Variants in PCDH15 observed in about 807,000 individuals in gnomAD.
PCDH15 encodes the protein protocadherin-15.
A neutral mutation model predicts 178.5 loss-of-function variants in PCDH15; 129 were observed. The observed-to-expected ratio is 0.72, with a 90% CI of 0.63 to 0.84. PCDH15 has a LOEUF of 0.84. PCDH15 is among the 40% of genes least tolerant of loss of function. The pLI, the probability that PCDH15 is intolerant of heterozygous loss-of-function variation, is 0.00. For synonymous variants in PCDH15, 800 were observed against 732.0 expected (o/e 1.09, Z -1.50); for missense variants, 2,230 against 2,099.9 (o/e 1.06, Z -1.21).
intron 5 of PCDH15, among the ~76,000 whole-genome samples, chr10:54,356,914 T>C (rs35461518): frequency 0.054 from 8,198 of 152,172 alleles, 256 homozygotes; most frequent in Admixed American, 0.099. Flanking sequence ...AAACACCACA[T>C]GATTATCTCA....
At chr10:55,586,104 A>C (rs940881957) in intron 2 of PCDH15, among the ~76,000 whole-genome samples, 1 of 152,014 alleles carries the variant, frequency 6.6e-6, no homozygotes, top group Admixed American at 6.6e-5. Flanking sequence ...AGTCTTGGGC[A>C]AAAAGGGTCA....
chr10:55,456,489 C>A (rs1240202023), intron 2 of PCDH15, among the ~76,000 whole-genome samples: 3 of 152,010 alleles, frequency 2.0e-5, no homozygotes, highest in Admixed American at 2.0e-4. Context: ...AATTCACCAA[C>A]TCTTGTTTAT....
intron 25 of PCDH15, among the ~76,000 whole-genome samples, chr10:53,929,826 T>C (rs2084889169): frequency 1.3e-5 from 2 of 152,376 alleles, no homozygotes; most frequent in Middle Eastern, 3.4e-3. Context: ...GACATATTTA[T>C]AGAAAGCTAT....
chr10:55,428,815 AT>A (rs1175091072), intron 2 of PCDH15, among the ~76,000 whole-genome samples: 6 of 151,630 alleles, frequency 4.0e-5, no homozygotes, highest in African/African-American at 1.5e-4. Context: ...CATGAATTAC[AT>A]TTTTTGTATT....
intron 3 of PCDH15, among the ~76,000 whole-genome samples, chr10:54,425,867 A>G (rs1289224662): frequency 2.6e-5 from 4 of 152,168 alleles, no homozygotes; most frequent in African/African-American, 4.8e-5. Flanking sequence ...GAAGTATTCT[A>G]GTATGTTAAT....
chr10:54,996,651 T>A (rs968401365), intron 2 of PCDH15, among the ~76,000 whole-genome samples: 1 of 152,096 alleles, frequency 6.6e-6, no homozygotes, highest in African/African-American at 2.4e-5. Context: ...TGTCTTACAA[T>A]TGGATTCATT....
Position 55,160,586 on chromosome 10 carries a change from A to C in PCDH15, c.-80+5990T>G, listed in dbSNP as rs1482438958. Among the ~76,000 whole-genome samples the C allele has an allele frequency of 2.6e-5, 4 of 151,996 alleles. No individual in the cohort carries two copies. The East Asian group carries it at 7.8e-4, about 29-fold the overall frequency. On this transcript the variant is annotated intron_variant, in intron 2 of 5. Coordinates refer to the PCDH15 transcript ENST00000458638. ...AGGGCAAATGGGCCCCTCTCAATCA[A>C]AGAATGAAAGGAGTCCCTATCATGC...
At chr10:55,130,655 C>T (rs1049261771) in intron 2 of PCDH15, among the ~76,000 whole-genome samples, 1 of 149,504 alleles carries the variant, frequency 6.7e-6, no homozygotes, top group African/African-American at 2.5e-5. Context: ...AAACCTATGG[C>T]TTAACATGTA....
At chr10:54,023,306 T>C in intron 18 of PCDH15, 109 bp from the exon 19 acceptor site, 1 of 1,047,180 alleles carries the variant, frequency 9.5e-7, no homozygotes, top group South Asian at 1.4e-5. Context: ...AAAAATTATT[T>C]GGCCCTCTAA....
intron 2 of PCDH15, among the ~76,000 whole-genome samples, chr10:54,588,811 C>T (rs912575280): frequency 2.0e-5 from 3 of 152,074 alleles, no homozygotes; most frequent in Non-Finnish European, 4.4e-5. Context: ...TGGGCTCAAG[C>T]GATTCTCCCA....
intron 21 of PCDH15, among the ~76,000 whole-genome samples, chr10:53,990,301 C>G (rs570821923): frequency 1.3e-5 from 2 of 152,006 alleles, no homozygotes; most frequent in South Asian, 4.2e-4. Flanking sequence ...AAATAAAATA[C>G]TTCACAGTTG....
intron 2 of PCDH15, among the ~76,000 whole-genome samples, chr10:55,099,195 T>C (rs1398446183): frequency 6.6e-6 from 1 of 152,122 alleles, no homozygotes; most frequent in Non-Finnish European, 1.5e-5. Context: ...TTTCCCTATG[T>C]AGAAAATGTG....
intron 3 of PCDH15, among the ~76,000 whole-genome samples, chr10:54,871,604 G>T (rs931637318): frequency 2.6e-5 from 4 of 151,882 alleles, no homozygotes; most frequent in African/African-American, 9.7e-5. Flanking sequence ...CATATGTTTA[G>T]GTTTAGATAC....
intron 35 of PCDH15, among the ~76,000 whole-genome samples, chr10:53,811,976 TTTAAGTTAAATTA>T (rs2075881492): frequency 1.3e-5 from 2 of 152,204 alleles, no homozygotes; most frequent in South Asian, 4.1e-4. Context: ...TTAACTCAAT[TTTAAGTTAAATTA>T]TTAAGTGATG....
At chr10:53,925,815 T>TA (rs1336790915) in intron 25 of PCDH15, among the ~76,000 whole-genome samples, 5 of 152,230 alleles carry the variant, frequency 3.3e-5, no homozygotes, top group Non-Finnish European at 7.3e-5. Flanking sequence ...GGTCAAGAGA[T>TA]ACTTTTTCCT....
At chr10:54,610,558 C>T (rs543253430) in intron 2 of PCDH15, among the ~76,000 whole-genome samples, 13 of 151,944 alleles carry the variant, frequency 8.6e-5, no homozygotes, top group Admixed American at 3.3e-4. Flanking sequence ...CTTGTCCTTC[C>T]GTAATATCTG....
chr10:55,010,672 A>C (rs906343281), intron 2 of PCDH15, among the ~76,000 whole-genome samples: 1 of 152,144 alleles, frequency 6.6e-6, no homozygotes, highest in African/African-American at 2.4e-5. Context: ...CATCTAAAGA[A>C]GCTGAAGTCT....
chr10:54,660,191 A>G (rs1449109745), intron 2 of PCDH15, among the ~76,000 whole-genome samples: 1 of 152,134 alleles, frequency 6.6e-6, no homozygotes, highest in Non-Finnish European at 1.5e-5. Context: ...ATTTAAGTTA[A>G]TTAAGGAACA....
At chr10:54,741,809 G>A (rs117433169) in intron 1 of PCDH15, among the ~76,000 whole-genome samples, 7,790 of 151,702 alleles carry the variant, frequency 0.051, 247 homozygotes, top group Middle Eastern at 0.14. Flanking sequence ...TTCTCTCTTC[G>A]ACTTCAAAAG....
Sources: gnomAD v4.1 joint callset for allele counts (sites outside exome capture counted in the v4.1 genomes callset) on GRCh38, gnomAD v4.1.1 for gene constraint, MANE v1.5 for transcripts, NCBI Gene and HGNC (gene_info 2026-07-23, HGNC 2026-07-21) for gene names.